FRMD5: variants seen among roughly 807,000 people sequenced by gnomAD.
The protein encoded by FRMD5 is FERM domain containing 5, also known as FERM domain-containing protein 5.
A neutral mutation model predicts 69.0 loss-of-function variants in FRMD5; 20 were observed. The observed-to-expected ratio is 0.29, with a 90% confidence interval of 0.20 to 0.42. The LOEUF (loss-of-function observed/expected upper bound fraction) is 0.42, where lower values mean the gene tolerates loss of function less well. Ranked by LOEUF, FRMD5 falls within the 10% of genes least tolerant of loss-of-function variation. The pLI, the probability that FRMD5 is intolerant of heterozygous loss-of-function variation, is 1.00. For missense variants in FRMD5, 595 were observed against 708.6 expected (o/e 0.84, Z 1.82); for synonymous variants, 271 against 260.1 (o/e 1.04, Z -0.40).
intron 1 of FRMD5, among the ~76,000 whole-genome samples, chr15:44,045,892 G>A (rs776720041): frequency 1.1e-4 from 17 of 152,158 alleles, no homozygotes; most frequent in Admixed American, 5.2e-4. Context: ...CATGATCAGG[G>A]CTTGAACAAG....
At chr15:44,087,008 A>T (rs1045490032) in intron 1 of FRMD5, among the ~76,000 whole-genome samples, 4 of 152,152 alleles carry the variant, frequency 2.6e-5, no homozygotes, top group Admixed American at 2.0e-4. Context: ...AGAAACAGAT[A>T]AAGAGGTAGT....
intron 1 of FRMD5, among the ~76,000 whole-genome samples, chr15:44,016,474 GC>G (rs1212268843): frequency 8.5e-5 from 13 of 152,188 alleles, no homozygotes; most frequent in Admixed American, 6.5e-5. Flanking sequence ...TGTAATCCCA[GC>G]ACTTTGGGAG....
At chr15:44,096,974 G>T (rs1031823497) in intron 1 of FRMD5, among the ~76,000 whole-genome samples, 1 of 152,158 alleles carries the variant, frequency 6.6e-6, no homozygotes, top group African/African-American at 2.4e-5. Flanking sequence ...TGTGGGGTCT[G>T]CTTTGGAAAG....
At chr15:44,180,242 TAAATG>T (rs2077973907) in intron 1 of FRMD5, among the ~76,000 whole-genome samples, 2 of 152,112 alleles carry the variant, frequency 1.3e-5, no homozygotes, top group Non-Finnish European at 2.9e-5. Flanking sequence ...TAGATAAGAT[TAAATG>T]AAAGAATGCA....
At chr15:43,987,959 G>T (rs939314092) in intron 1 of FRMD5, among the ~76,000 whole-genome samples, 1 of 152,098 alleles carries the variant, frequency 6.6e-6, no homozygotes, top group Non-Finnish European at 1.5e-5. Context: ...TCCCATCTGG[G>T]GGTCATGGGA....
In FRMD5 at chr15:44,189,265, T is replaced by G. The variant is rs568830917; in HGVS notation, c.102+5688A>C. 3.3e-5 allele frequency among the ~76,000 whole-genome samples: 5 copies of G among 152,230 alleles called. No homozygotes were observed. The East Asian group carries it at 9.6e-4, about 29-fold the overall frequency. ...TTAGAAATAATACAACAATTACAAC[T>G]GTTGAAAGACCAATATAGGGGCCTA... is the stretch of plus-strand genomic sequence containing the variant. On this transcript the variant is annotated intron_variant, in intron 1 of 13. Transcript: ENST00000417257.
chr15:44,148,250 T>TA (rs2077386000), intron 1 of FRMD5, among the ~76,000 whole-genome samples: 1 of 152,132 alleles, frequency 6.6e-6, no homozygotes, highest in South Asian at 2.1e-4. Flanking sequence ...TACTATGCTT[T>TA]GCTTTCTTGT....
intron 5 of FRMD5, among the ~76,000 whole-genome samples, chr15:43,907,747 C>T (rs916758931): frequency 6.6e-6 from 1 of 152,138 alleles, no homozygotes; most frequent in Non-Finnish European, 1.5e-5. Flanking sequence ...ACCTCATGAT[C>T]TGCCTGTCTC....
rs1484332811 is a variant in FRMD5 at position 43,874,429 on chromosome 15, G to A, written c.1169C>T (p.Thr390Ile). The change falls in exon 14 of 14, where the codon ACA (threonine) becomes ATA (isoleucine). Residue 390 changes from threonine (T) to isoleucine (I), a missense_variant. Transcript: ENST00000417257. Reference protein sequence around the residue: ...LESLRDSAHSTPVRSTSHGDT... With the variant: ...LESLRDSAHSIPVRSTSHGDT... ...CCCATGGGAAGTGGAACGCACTGGT[G>A]TGGAATGGGCACTGTCCCGTAAGGA... The A allele has an allele frequency of 6.2e-7, 1 of 1,614,082 alleles. No homozygotes were observed. Among genetic ancestry groups the A allele is most frequent in the African/African-American group, 1.3e-5 (1 of 74,942 alleles).
At chr15:43,962,444 T>C (rs542812406) in intron 1 of FRMD5, among the ~76,000 whole-genome samples, 75 of 152,158 alleles carry the variant, frequency 4.9e-4, no homozygotes, top group Non-Finnish European at 9.8e-4. Flanking sequence ...TGCTCATGGG[T>C]AGGAAGAATC....
chr15:43,923,707 C>T (rs527875028), intron 2 of FRMD5, among the ~76,000 whole-genome samples: 4 of 152,202 alleles, frequency 2.6e-5, no homozygotes, highest in Admixed American at 6.5e-5. Flanking sequence ...TCAGAATGCC[C>T]TGTGTCTGCA....
At chr15:43,880,297 C>A (rs755693609) in intron 13 of FRMD5, among the ~76,000 whole-genome samples, 1 of 152,284 alleles carries the variant, frequency 6.6e-6, no homozygotes, top group South Asian at 2.1e-4. Context: ...ATTTAAATGC[C>A]TCTAAATTCC....
chr15:43,908,698 A>C (rs1164431671), intron 5 of FRMD5, among the ~76,000 whole-genome samples: 1 of 152,176 alleles, frequency 6.6e-6, no homozygotes, highest in African/African-American at 2.4e-5. Flanking sequence ...TCTGCATCTC[A>C]GGAGAAGGGG....
intron 13 of FRMD5, chr15:43,876,209 C>T (rs1006769949): frequency 2.6e-5 from 41 of 1,594,280 alleles, no homozygotes; most frequent in Middle Eastern, 2.1e-4. Context: ...CCCCTTTCCC[C>T]GCTTTTCCAG....
intron 1 of FRMD5, among the ~76,000 whole-genome samples, chr15:44,106,973 A>G (rs1269622898): frequency 6.6e-6 from 1 of 152,200 alleles, no homozygotes; most frequent in East Asian, 1.9e-4. Flanking sequence ...TAAACTGAGA[A>G]ATTTTTAAAA....
intron 1 of FRMD5, among the ~76,000 whole-genome samples, chr15:44,170,737 T>C (rs1459096651): frequency 1.3e-5 from 2 of 152,044 alleles, no homozygotes; most frequent in East Asian, 1.9e-4. Context: ...TTTTTTCCCT[T>C]AGATAAGCCA....
intron 1 of FRMD5, among the ~76,000 whole-genome samples, chr15:43,999,642 G>A (rs1034318682): frequency 1.3e-5 from 2 of 151,610 alleles, no homozygotes; most frequent in Non-Finnish European, 2.9e-5. Context: ...CTTTTTATGC[G>A]TTTGACTTTC....
intron 1 of FRMD5, among the ~76,000 whole-genome samples, chr15:43,939,591 T>C (rs908838461): frequency 6.6e-6 from 1 of 151,642 alleles, no homozygotes; most frequent in East Asian, 1.9e-4. Flanking sequence ...AGGTTCTCAC[T>C]CTGTCACCCA....
chr15:44,172,262 TTC>T (rs1269874830), intron 1 of FRMD5, among the ~76,000 whole-genome samples: 1 of 150,898 alleles, frequency 6.6e-6, no homozygotes, highest in Non-Finnish European at 1.5e-5. Context: ...GGCTTTCTTT[TTC>T]TCTTTTTCTT....
Sources: allele counts gnomAD v4.1 joint callset (sites outside exome capture counted in the v4.1 genomes callset), GRCh38; gene constraint gnomAD v4.1.1; transcripts MANE v1.5; gene names NCBI Gene and HGNC (gene_info 2026-07-23, HGNC 2026-07-21).